Variants in KCTD16 observed in about 807,000 individuals in gnomAD.
KCTD16 encodes the protein BTB/POZ domain-containing protein KCTD16.
KCTD16 carries 13 observed loss-of-function variants against 33.2 expected under a neutral mutation model. That is an observed-to-expected ratio of 0.39 (90% CI 0.25 to 0.62). The LOEUF (loss-of-function observed/expected upper bound fraction) is 0.62, where lower values mean the gene tolerates loss of function less well. Among genes scored for constraint, KCTD16 ranks in the 20% least tolerant of loss-of-function variants. The probability of loss-of-function intolerance (pLI) is 0.50; values close to 1 mark genes in which losing one functional copy is unlikely to be tolerated. For missense variants in KCTD16, 441 were observed against 525.1 expected (o/e 0.84, Z 1.57); for synonymous variants, 197 against 195.3 (o/e 1.01, Z -0.07).
intron 3 of KCTD16, chr5:144,377,866 TTAGG>T (rs371765214): frequency 1.1e-3 from 175 of 152,260 alleles, no homozygotes; most frequent in African/African-American, 3.3e-3. Context: ...TTTTGTGCAA[TTAGG>T]TAGGTAATTA....
At chr5:144,465,792 T>G (rs1234448884) in intron 3 of KCTD16, among the ~76,000 whole-genome samples, 4 of 150,830 alleles carry the variant, frequency 2.7e-5, no homozygotes, top group South Asian at 2.1e-4. Context: ...TTTTGTTTTT[T>G]TTTTTTTTTG....
At chr5:144,258,146 TC>T (rs2126836859) in intron 3 of KCTD16, among the ~76,000 whole-genome samples, 1 of 152,260 alleles carries the variant, frequency 6.6e-6, no homozygotes, top group African/African-American at 2.4e-5. Flanking sequence ...ATGAGTAATA[TC>T]AAGACTATCA....
At chr5:144,224,453 C>G (rs1753868000) in intron 3 of KCTD16, among the ~76,000 whole-genome samples, 1 of 128,392 alleles carries the variant, frequency 7.8e-6, no homozygotes, top group Non-Finnish European at 1.6e-5. Context: ...TAAAATGGTG[C>G]TTTCTATTCT....
intron 3 of KCTD16, among the ~76,000 whole-genome samples, chr5:144,344,011 A>G (rs1752716065): frequency 6.6e-6 from 1 of 152,154 alleles, no homozygotes; most frequent in Non-Finnish European, 1.5e-5. Flanking sequence ...CAAAACAGAG[A>G]TATAGATCAA....
intron 3 of KCTD16, among the ~76,000 whole-genome samples, chr5:144,463,363 T>C (rs1205141935): frequency 6.6e-6 from 1 of 152,216 alleles, no homozygotes; most frequent in Non-Finnish European, 1.5e-5. Context: ...CTGTGGTTAA[T>C]ATTAAACATG....
chr5:144,404,235 G>GA (rs779540892), intron 3 of KCTD16, among the ~76,000 whole-genome samples: 3 of 152,076 alleles, frequency 2.0e-5, no homozygotes, highest in Non-Finnish European at 4.4e-5. Context: ...TGGCAGAAGG[G>GA]AAAATGACAT....
chr5:144,435,815 G>A (rs1467133506), intron 3 of KCTD16, among the ~76,000 whole-genome samples: 1 of 150,592 alleles, frequency 6.6e-6, no homozygotes, highest in Non-Finnish European at 1.5e-5. Flanking sequence ...GTGTGTGTGT[G>A]CGCTTTCCTG....
chr5:144,189,409 T>C (rs1280874563), intron 2 of KCTD16, among the ~76,000 whole-genome samples: 1 of 149,448 alleles, frequency 6.7e-6, no homozygotes, highest in African/African-American at 2.5e-5. Context: ...GGCAGGAGAA[T>C]GGCGTGAACC....
At chr5:144,274,219 T>G (rs987840105) in intron 3 of KCTD16, among the ~76,000 whole-genome samples, 1 of 152,000 alleles carries the variant, frequency 6.6e-6, no homozygotes, top group Non-Finnish European at 1.5e-5. Context: ...CCTCTTTTTC[T>G]CTGTATCCTT....
intron 3 of KCTD16, among the ~76,000 whole-genome samples, chr5:144,410,817 T>A (rs1752916409): frequency 6.6e-6 from 1 of 152,206 alleles, no homozygotes; most frequent in South Asian, 2.1e-4. Context: ...TTGTGCTAAT[T>A]TGTAAATATT....
chr5:144,329,570 A>G (rs530531118), intron 3 of KCTD16, among the ~76,000 whole-genome samples: 29 of 152,312 alleles, frequency 1.9e-4, no homozygotes, highest in African/African-American at 6.5e-4. Flanking sequence ...TACTACAGGA[A>G]ATCACAAAGC....
At chr5:144,328,164 T>C (rs1170449107) in intron 3 of KCTD16, among the ~76,000 whole-genome samples, 1 of 152,170 alleles carries the variant, frequency 6.6e-6, no homozygotes, top group Non-Finnish European at 1.5e-5. Context: ...ATAAATATTT[T>C]TAGAAAGGAG....
At chr5:144,361,288 T>C (rs941523206) in intron 3 of KCTD16, among the ~76,000 whole-genome samples, 3 of 152,168 alleles carry the variant, frequency 2.0e-5, no homozygotes, top group Non-Finnish European at 4.4e-5. Context: ...TACCTAGTAA[T>C]GGGATTGCTG....
intron 3 of KCTD16, among the ~76,000 whole-genome samples, chr5:144,261,227 G>A (rs927530555): frequency 3.4e-5 from 5 of 148,686 alleles, no homozygotes; most frequent in African/African-American, 1.2e-4. Flanking sequence ...CACCTCCCAG[G>A]AAAATACCCT....
chr5:144,316,970 G>T (rs1751935471), intron 3 of KCTD16, among the ~76,000 whole-genome samples: 1 of 151,638 alleles, frequency 6.6e-6, no homozygotes, highest in Non-Finnish European at 1.5e-5. Flanking sequence ...TGTGCCTACA[G>T]GTGCACGCCA....
At chr5:144,209,726 T>A (rs1394049349) in intron 3 of KCTD16, among the ~76,000 whole-genome samples, 1 of 150,234 alleles carries the variant, frequency 6.7e-6, no homozygotes, top group Non-Finnish European at 1.5e-5. Flanking sequence ...AAGAAGGGAG[T>A]TGGCTGCATG....
intron 3 of KCTD16, among the ~76,000 whole-genome samples, chr5:144,383,401 T>C (rs539609981): frequency 3.9e-5 from 6 of 152,304 alleles, no homozygotes; most frequent in African/African-American, 1.4e-4. Context: ...CAGATCTACC[T>C]TTTTCACGGG....
intron 3 of KCTD16, among the ~76,000 whole-genome samples, chr5:144,352,491 A>G (rs1751469397): frequency 6.6e-6 from 1 of 152,174 alleles, no homozygotes; most frequent in Non-Finnish European, 1.5e-5. Context: ...TCTCCCCTGA[A>G]ACTGGTGCTA....
chr5:144,470,972 G>A (rs753230550), intron 3 of KCTD16, among the ~76,000 whole-genome samples: 9 of 152,164 alleles, frequency 5.9e-5, no homozygotes, highest in Admixed American at 3.3e-4. Context: ...CTTGAGGTCA[G>A]GAGTTCAAGA....
Sources: allele counts gnomAD v4.1 joint callset (sites outside exome capture counted in the v4.1 genomes callset), GRCh38; gene constraint gnomAD v4.1.1; transcripts MANE v1.5; gene names NCBI Gene and HGNC (gene_info 2026-07-23, HGNC 2026-07-21).